The following KCNQ1OT1 variants were observed in gnomAD, a reference collection of about 807,000 sequenced individuals.
KCNQ1OT1 encodes KCNQ1 antisense RNA 2 (non-protein coding).
rs1677161525 is a variant in KCNQ1OT1, at chr11:2,626,321, A to G, written n.73674T>C. On this transcript the variant is annotated non_coding_transcript_exon_variant, in exon 1 of 1. Coordinates refer to ENST00000597346, the Ensembl canonical transcript of KCNQ1OT1. The surrounding 1 kb of genome is among the most constrained non-coding windows in gnomAD (Gnocchi z 4.0). ...TCTTGAGTTAATTTTTGTGTATGGT[A>G]TTAGGTAAGGGTCTCAACTTCAGTT... The G allele has an allele frequency of 2.5e-6, 1 of 398,298 alleles. No homozygotes were observed. Among genetic ancestry groups the G allele is most frequent in the African/African-American group, 2.1e-5 (1 of 48,574 alleles). The allele number at this position is 398,298 out of a possible 1,614,324, so 24.7% of individuals were successfully genotyped here. A position where few individuals can be genotyped will look rare whatever the true frequency, so the allele number is the denominator to read the frequency against.
At position 2,678,444 on chromosome 11, in the gene KCNQ1OT1, C is replaced by T. The variant is rs1335772028; in HGVS notation, n.21551G>A. The T allele has an allele frequency of 1.0e-5, 4 of 398,516 alleles. No individual in the cohort carries two copies. The highest frequency in any genetic ancestry group is 4.4e-6 in the Non-Finnish European group (1 of 226,068). The allele number at this position is 398,516 out of a possible 1,614,324, so 24.7% of individuals were successfully genotyped here. On this transcript the variant is annotated non_coding_transcript_exon_variant, in exon 1 of 1. Transcript: ENST00000597346. This position sits in a 1 kb window ranked among gnomAD's most constrained non-coding sequence, Gnocchi z 4.9. ...ATTTGAGTACATCATCATCTCTCTA[C>T]TAATTTCAACTGCTACCTTTATCAT...
exon 1 of KCNQ1OT1, chr11:2,665,961 G>C: frequency 2.5e-6 from 1 of 398,600 alleles, no homozygotes; most frequent in Non-Finnish European, 4.4e-6. Context: ...CCCTCACACT[G>C]CATCCCCAAC....
At position 2,676,081 on chromosome 11, in the gene KCNQ1OT1, A is replaced by G. The variant is rs187503532; in HGVS notation, n.23914T>C. On this transcript the variant is annotated non_coding_transcript_exon_variant, in exon 1 of 1. Transcript: ENST00000597346. This position sits in a 1 kb window ranked among gnomAD's most constrained non-coding sequence, Gnocchi z 4.2. ...AGACGTATTTTATATAAACAAATAT[A>G]CGTGTGTCTGTGTGTGCATGTACTT... The G allele has an allele frequency of 5.1e-4, 205 of 398,638 alleles. No individual in the cohort carries two copies. The highest frequency in any genetic ancestry group is 4.1e-3 in the African/African-American group (200 of 48,748). The allele number at this position is 398,638 out of a possible 1,614,324, so 24.7% of individuals were successfully genotyped here. A position where few individuals can be genotyped will look rare whatever the true frequency, so the allele number is the denominator to read the frequency against.
chr11:2,647,977 G>C lies in KCNQ1OT1; in HGVS notation n.52018C>G, dbSNP rs1849691959. ...ACCTGTAAACCCAGTACTTTGGAAG[G>C]CCAAGGCAGGCCGATCGCTTGAGTC... On this transcript the variant is annotated non_coding_transcript_exon_variant, in exon 1 of 1. Transcript: ENST00000597346. The surrounding 1 kb of genome is among the most constrained non-coding windows in gnomAD (Gnocchi z 4.0). 8 of 397,458 alleles carry C rather than the reference G, an allele frequency of 2.0e-5. No individual in the cohort carries two copies. The highest frequency in any genetic ancestry group is 3.5e-5 in the Non-Finnish European group (8 of 225,984). 24.6% of individuals were successfully genotyped at this position (397,458 alleles called of 1,614,324 possible).
At chr11:2,694,861 G>A (rs1850648368) in exon 1 of KCNQ1OT1, 2 of 398,540 alleles carry the variant, frequency 5.0e-6, no homozygotes, top group Non-Finnish European at 8.8e-6. Context: ...AATTTCCTGT[G>A]AGATTTAAAT....
exon 1 of KCNQ1OT1, chr11:2,618,831 T>C (rs1849115927): frequency 5.0e-6 from 2 of 398,246 alleles, no homozygotes; most frequent in Non-Finnish European, 8.9e-6. Flanking sequence ...TCTTTCCATT[T>C]ATTTGTATCT....
chr11:2,670,933 A>T lies in KCNQ1OT1; in HGVS notation n.29062T>A, dbSNP rs751904292. On this transcript the variant is annotated non_coding_transcript_exon_variant, in exon 1 of 1. Coordinates refer to ENST00000597346, the Ensembl canonical transcript of KCNQ1OT1. The surrounding 1 kb of genome is among the most constrained non-coding windows in gnomAD (Gnocchi z 4.9). ...CTGCCCTCCCAGGATGCAAATTGGC[A>T]GGCCCAGCTTCATGCCTTCTTATGG... The T allele has an allele frequency of 4.8e-5, 19 of 398,544 alleles. No individual in the cohort carries two copies. The highest frequency in any genetic ancestry group is 8.0e-5 in the Non-Finnish European group (18 of 226,102). 24.7% of individuals were successfully genotyped at this position (398,544 alleles called of 1,614,324 possible).
At position 2,671,169 on chromosome 11, in the gene KCNQ1OT1, G is replaced by A. The variant is rs1490452486; in HGVS notation, n.28826C>T. On this transcript the variant is annotated non_coding_transcript_exon_variant, in exon 1 of 1. Transcript: ENST00000597346. The surrounding 1 kb of genome is among the most constrained non-coding windows in gnomAD (Gnocchi z 4.7). ...CCTGAGGTGCCATCTTAGAAATAGGGCCTTGTTAGGAGAAAAGGAAAGAAA... is the reference window on the plus strand; with the variant it reads ...CCTGAGGTGCCATCTTAGAAATAGGACCTTGTTAGGAGAAAAGGAAAGAAA... 1.3e-5 allele frequency: 5 copies of A among 398,504 alleles called. No individual in the cohort carries two copies. Among genetic ancestry groups the A allele is most frequent in the Non-Finnish European group, 2.2e-5 (5 of 226,088 alleles). 24.7% of individuals were successfully genotyped at this position (398,504 alleles called of 1,614,324 possible).
At position 2,653,987 on chromosome 11, in the gene KCNQ1OT1, G is replaced by T; in HGVS notation, n.46008C>A. ...CTCAAGCAAGGTATTTTCCTAAGCGGAACTGGGTGCCAGCTGTGAATATAC... is the reference window on the plus strand; with the variant it reads ...CTCAAGCAAGGTATTTTCCTAAGCGTAACTGGGTGCCAGCTGTGAATATAC... On this transcript the variant is annotated non_coding_transcript_exon_variant, in exon 1 of 1. Coordinates refer to ENST00000597346, the Ensembl canonical transcript of KCNQ1OT1. The surrounding 1 kb of genome is among the most constrained non-coding windows in gnomAD (Gnocchi z 5.3). 2.5e-6 allele frequency: 1 copy of T among 398,686 alleles called. No homozygotes were observed. Among genetic ancestry groups the T allele is most frequent in the South Asian group, 1.3e-4 (1 of 7,852 alleles). 24.7% of individuals were successfully genotyped at this position (398,686 alleles called of 1,614,324 possible). A position where few individuals can be genotyped will look rare whatever the true frequency, so the allele number is the denominator to read the frequency against.
chr11:2,622,163 A>T (rs1849183984), exon 1 of KCNQ1OT1: 1 of 398,196 alleles, frequency 2.5e-6, no homozygotes. Context: ...TGAAGTCCCT[A>T]AGTATTATTG....
rs1032495847 is a variant in KCNQ1OT1, at chr11:2,624,990, G to A, written n.75005C>T. 14 of 398,440 alleles carry A rather than the reference G, an allele frequency of 3.5e-5. No homozygotes were observed. The South Asian group carries it at 7.6e-4, about 22-fold the overall frequency. The allele number at this position is 398,440 out of a possible 1,614,324, so 24.7% of individuals were successfully genotyped here. On this transcript the variant is annotated non_coding_transcript_exon_variant, in exon 1 of 1. Transcript: ENST00000597346. This position sits in a 1 kb window ranked among gnomAD's most constrained non-coding sequence, Gnocchi z 4.9. ...CATTTTGCTTATCCATTCTTCCATG[G>A]ACATTTGGGTTGCATTGATGTTTTA...
exon 1 of KCNQ1OT1, chr11:2,632,142 C>T: frequency 2.6e-6 from 1 of 380,792 alleles, no homozygotes. Flanking sequence ...GAGATCGCGC[C>T]ACTACACTCT....
At chr11:2,656,111 C>T (rs1055267617) in exon 1 of KCNQ1OT1, 3 of 398,528 alleles carry the variant, frequency 7.5e-6, no homozygotes, top group East Asian at 7.1e-5. Context: ...AGCAACTCTA[C>T]GTTCTAGCCT....
rs1850438658 is a variant in KCNQ1OT1 at position 2,683,755 on chromosome 11, T to A, written n.16240A>T. On this transcript the variant is annotated non_coding_transcript_exon_variant, in exon 1 of 1. Coordinates refer to ENST00000597346, the Ensembl canonical transcript of KCNQ1OT1. This position sits in a 1 kb window ranked among gnomAD's most constrained non-coding sequence, Gnocchi z 4.7. ...AGCTTTAGCTCTGAGGCAGCCCAGATGACATGGGCCTCTAAGGCTGGCTGC... is the reference window on the plus strand; with the variant it reads ...AGCTTTAGCTCTGAGGCAGCCCAGAAGACATGGGCCTCTAAGGCTGGCTGC... The A allele has an allele frequency of 2.5e-6, 1 of 398,510 alleles. No homozygotes were observed. Among genetic ancestry groups the A allele is most frequent in the African/African-American group, 2.1e-5 (1 of 48,630 alleles). The allele number at this position is 398,510 out of a possible 1,614,324, so 24.7% of individuals were successfully genotyped here. A position where few individuals can be genotyped will look rare whatever the true frequency, so the allele number is the denominator to read the frequency against.
chr11:2,640,890 C>T (rs995401917), exon 1 of KCNQ1OT1: 1 of 399,492 alleles, frequency 2.5e-6, no homozygotes, highest in African/African-American at 2.1e-5. Context: ...ATGAGATCAA[C>T]TTTTATAGCT....
chr11:2,676,114 AC>A lies in KCNQ1OT1; in HGVS notation n.23880del. Reference sequence around the variant, plus strand: ...CTGTGTGTGCATGTACTTAGTAGATACGGCTCCTTTTTATACAAATGGTAGC... The same window carrying A: ...CTGTGTGTGCATGTACTTAGTAGATAGGCTCCTTTTTATACAAATGGTAGC... On this transcript the variant is annotated non_coding_transcript_exon_variant, in exon 1 of 1. Transcript: ENST00000597346. This position sits in a 1 kb window ranked among gnomAD's most constrained non-coding sequence, Gnocchi z 4.2. The A allele has an allele frequency of 2.5e-6, 1 of 398,660 alleles. No individual in the cohort carries two copies. Among genetic ancestry groups the A allele is most frequent in the South Asian group, 1.3e-4 (1 of 7,864 alleles). The allele number at this position is 398,660 out of a possible 1,614,324, so 24.7% of individuals were successfully genotyped here. A position where few individuals can be genotyped will look rare whatever the true frequency, so the allele number is the denominator to read the frequency against.
At position 2,653,694 on chromosome 11, in the gene KCNQ1OT1, C is replaced by G; in HGVS notation, n.46301G>C. 2.5e-6 allele frequency: 1 copy of G among 398,696 alleles called. No homozygotes were observed. The highest frequency in any genetic ancestry group is 4.4e-6 in the Non-Finnish European group (1 of 226,108). The allele number at this position is 398,696 out of a possible 1,614,324, so 24.7% of individuals were successfully genotyped here. The stretch of plus-strand genomic sequence containing the variant: ...GCATTCAACAGCTCAGGAAGCCCAG[C>G]AGAACGAGGTCATCTCTTCCAGGAT... On this transcript the variant is annotated non_coding_transcript_exon_variant, in exon 1 of 1. Coordinates refer to ENST00000597346, the Ensembl canonical transcript of KCNQ1OT1. The surrounding 1 kb of genome is among the most constrained non-coding windows in gnomAD (Gnocchi z 5.3).
exon 1 of KCNQ1OT1, chr11:2,633,245 T>A: frequency 2.5e-6 from 1 of 398,582 alleles, no homozygotes; most frequent in Non-Finnish European, 4.4e-6. Context: ...TGGTGTTTTT[T>A]GCTGTTGAAT....
chr11:2,678,018 A>C lies in KCNQ1OT1; in HGVS notation n.21977T>G, dbSNP rs528848005. On this transcript the variant is annotated non_coding_transcript_exon_variant, in exon 1 of 1. Transcript: ENST00000597346. The surrounding 1 kb of genome is among the most constrained non-coding windows in gnomAD (Gnocchi z 4.9). ...TTTATCTTTCCAAATGCTTAAAATC[A>C]TTTGTTTTTCTTTCTTGTGAACTAT... The C allele has an allele frequency of 4.4e-4, 145 of 329,146 alleles. 2 individuals are homozygous for C. Among genetic ancestry groups the C allele is most frequent in the Non-Finnish European group, 1.3e-4 (28 of 208,102 alleles). The allele number at this position is 329,146 out of a possible 1,614,324, so 20.4% of individuals were successfully genotyped here. A position where few individuals can be genotyped will look rare whatever the true frequency, so the allele number is the denominator to read the frequency against.
Sources: gnomAD v4.1 joint callset for allele counts on GRCh38, gnomAD v4.1.1 for gene constraint, Gnocchi (gnomAD v3.1) non-coding constraint, MANE v1.5 for transcripts, NCBI Gene and HGNC (gene_info 2026-07-23, HGNC 2026-07-21) for gene names.